The following PARD3 variants were observed in gnomAD, a reference collection of about 807,000 sequenced individuals.
PARD3 encodes the protein partitioning defective 3 homolog.
In PARD3, 75 loss-of-function variants were observed where a neutral mutation model predicts 155.4. The ratio of observed to expected loss-of-function variants is 0.48; its 90% CI spans 0.40 to 0.58. The LOEUF (loss-of-function observed/expected upper bound fraction) is 0.58. PARD3 is among the 20% of genes least tolerant of loss of function. The pLI is 0.00. For synonymous variants in PARD3, 576 were observed against 610.5 expected (o/e 0.94, Z 0.83); for missense variants, 1,642 against 1,721.7 (o/e 0.95, Z 0.82).
chr10:34,412,121 C>T (rs1845145462), intron 5 of PARD3, among the ~76,000 whole-genome samples: 1 of 151,952 alleles, frequency 6.6e-6, no homozygotes, highest in Admixed American at 6.6e-5. Flanking sequence ...CATCATCGCA[C>T]CTGGCCAATT....
rs762557350 is a variant in PARD3 at position 34,269,811 on chromosome 10, A to C, written c.3265T>G (p.Cys1089Gly). 10 of 1,614,004 alleles carry C rather than the reference A, an allele frequency of 6.2e-6. No individual in the cohort carries two copies. The highest frequency in any genetic ancestry group is 1.1e-5 in the South Asian group (1 of 91,076). The change falls in exon 22 of 25, where the codon TGT becomes GGT. Residue 1089 changes from cysteine to glycine, a missense_variant. This residue lies in a region of PARD3 where 1,529 missense variants were observed against 1,587.3 expected (regional missense o/e 0.96). Transcript: ENST00000374788. ...CCCCCATACATTAACTCATCATCACAGCCAAATGTCCGATGAAAATCTTGA... is the reference window on the plus strand; with the variant it reads ...CCCCCATACATTAACTCATCATCACCGCCAAATGTCCGATGAAAATCTTGA... ...EIQDFHRTFGCDDELMYGGVS... is the reference protein window; with the variant it reads ...EIQDFHRTFGGDDELMYGGVS...
chr10:34,228,181 T>C (rs1952724037), intron 22 of PARD3, among the ~76,000 whole-genome samples: 1 of 151,878 alleles, frequency 6.6e-6, no homozygotes, highest in African/African-American at 2.4e-5. Context: ...ATACTGTACG[T>C]TCTCAATTAT....
At chr10:34,576,960 G>A (rs1648138956) in intron 2 of PARD3, among the ~76,000 whole-genome samples, 2 of 152,190 alleles carry the variant, frequency 1.3e-5, no homozygotes. Context: ...GCGTGTGGGG[G>A]TGAACATACA....
At chr10:34,681,579 A>G (rs2093820667) in intron 2 of PARD3, among the ~76,000 whole-genome samples, 1 of 150,332 alleles carries the variant, frequency 6.7e-6, no homozygotes, top group Non-Finnish European at 1.5e-5. Context: ...TAGAACATGG[A>G]ACACCACTGT....
At chr10:34,332,331 G>A (rs962449613) in intron 18 of PARD3, among the ~76,000 whole-genome samples, 3 of 152,066 alleles carry the variant, frequency 2.0e-5, no homozygotes, top group Admixed American at 1.3e-4. Flanking sequence ...TTTAGCTTCC[G>A]GATGACTGAA....
chr10:34,763,151 A>G lies in PARD3; in HGVS notation c.120+51725T>C, dbSNP rs549695594. ...TTAGTGGCGGAGGTCAAGGACCTCT[A>G]AACATTCTGCAATGTGTGGGACAGT... On this transcript the variant is annotated intron_variant, in intron 1 of 24. Transcript: ENST00000374788. 5.9e-5 allele frequency among the ~76,000 whole-genome samples: 9 copies of G among 152,362 alleles called. No homozygotes were observed. The South Asian group carries it at 1.9e-3, about 32-fold the overall frequency.
At position 34,227,856 on chromosome 10, in the gene PARD3, T is replaced by TATATATATATATATATATATATA. The variant is rs1554814034; in HGVS notation, c.3419+41800_3419+41801insTATATATATATATATATATATAT. 1.7e-3 allele frequency among the ~76,000 whole-genome samples: 136 copies of TATATATATATATATATATATATA among 82,188 alleles called. 11 individuals are homozygous for TATATATATATATATATATATATA. The highest frequency in any genetic ancestry group is 5.2e-3 in the African/African-American group (88 of 16,848). The allele number at this position is 82,188 out of a possible 152,430, so 53.9% of individuals were successfully genotyped here. On this transcript the variant is annotated intron_variant, in intron 22 of 24. Transcript: ENST00000374788. ...TATTCCCAGTAATGGGAATTATTTT[T>TATATATATATATATATATATATA]TATATATATATATATATATATATAT...
chr10:34,343,345 G>C (rs1837034585), intron 15 of PARD3: 1 of 977,894 alleles, frequency 1.0e-6, no homozygotes, highest in East Asian at 1.1e-4. Flanking sequence ...TATTCTGAGA[G>C]ATGGCCTAAC....
chr10:34,448,936 TGA>T (rs1311325217), intron 5 of PARD3, among the ~76,000 whole-genome samples: 1 of 150,486 alleles, frequency 6.6e-6, no homozygotes, highest in African/African-American at 2.4e-5. Context: ...TTTTTTTTTT[TGA>T]GAGAGAGTCT....
chr10:34,794,533 G>A (rs1443836762), intron 1 of PARD3, among the ~76,000 whole-genome samples: 5 of 152,326 alleles, frequency 3.3e-5, no homozygotes, highest in Non-Finnish European at 1.5e-5. Flanking sequence ...TTAGTAGAAT[G>A]ATGAAATTAC....
At chr10:34,219,904 C>A (rs181627176) in intron 22 of PARD3, among the ~76,000 whole-genome samples, 25 of 152,214 alleles carry the variant, frequency 1.6e-4, no homozygotes, top group Admixed American at 1.2e-3. Context: ...GGCTAGGCGA[C>A]CTCAAATGGC....
In PARD3 at chr10:34,110,581, T is replaced by C. The variant is rs2132614589; in HGVS notation, c.*588A>G. 6.6e-6 allele frequency: 1 copy of C among 152,368 alleles called. No individual in the cohort carries two copies. The highest frequency in any genetic ancestry group is 1.5e-5 in the Non-Finnish European group (1 of 68,134). 9.4% of individuals were successfully genotyped at this position (152,368 alleles called of 1,614,324 possible). ...AAGGACCCCCATGGTGACCAAACAA[T>C]GTTGGACTATGGCTTAGCTTCTGTA... On this transcript the variant is annotated 3_prime_UTR_variant, in exon 25 of 25. Coordinates refer to ENST00000374788, the MANE Select transcript of PARD3 (RefSeq NM_001184785.2).
At chr10:34,113,031 T>C (rs1461166806) in intron 24 of PARD3, among the ~76,000 whole-genome samples, 2 of 152,206 alleles carry the variant, frequency 1.3e-5, no homozygotes, top group Non-Finnish European at 2.9e-5. Context: ...GACAAGACTG[T>C]TGGAAAATGC....
chr10:34,461,403 G>A (rs1361299574), intron 4 of PARD3, among the ~76,000 whole-genome samples: 5 of 152,232 alleles, frequency 3.3e-5, no homozygotes, highest in East Asian at 1.9e-4. Flanking sequence ...TCAGGAGTTC[G>A]AGACCAGCCT....
At position 34,465,655 on chromosome 10, in the gene PARD3, G is replaced by A. The variant is rs191836732; in HGVS notation, c.582+4430C>T. 2.6e-4 allele frequency among the ~76,000 whole-genome samples: 40 copies of A among 152,284 alleles called. 1 individual carries two copies. Among genetic ancestry groups the A allele is most frequent in the Admixed American group, 2.2e-3 (33 of 15,290 alleles). On this transcript the variant is annotated intron_variant, in intron 4 of 24. Transcript: ENST00000374788. ...TTTCTTCCCCTTTCCCTAATCAGGT[G>A]AGAATCTCTTTTGGAAACTTGTCCG...
chr10:34,734,492 T>C (rs1471648373), intron 1 of PARD3, among the ~76,000 whole-genome samples: 1 of 152,056 alleles, frequency 6.6e-6, no homozygotes. Flanking sequence ...CCCGCCACCA[T>C]GCCCGGCTAA....
intron 1 of PARD3, among the ~76,000 whole-genome samples, chr10:34,787,334 G>A (rs1434487558): frequency 1.3e-5 from 2 of 152,106 alleles, no homozygotes; most frequent in East Asian, 1.9e-4. Flanking sequence ...AGCCAAGATC[G>A]CGCCACTGCA....
intron 8 of PARD3, 43 bp downstream of exon 8, chr10:34,384,086 C>A: frequency 6.3e-7 from 1 of 1,596,162 alleles, no homozygotes. Context: ...CTCTGTCATG[C>A]CTAATGCAAG....
intron 22 of PARD3, among the ~76,000 whole-genome samples, chr10:34,184,292 G>A (rs972054321): frequency 2.6e-5 from 4 of 152,198 alleles, no homozygotes; most frequent in Non-Finnish European, 4.4e-5. Flanking sequence ...TTCCCACACA[G>A]TCTGATCAAC....
Sources: allele counts gnomAD v4.1 joint callset (sites outside exome capture counted in the v4.1 genomes callset), GRCh38; gene constraint gnomAD v4.1.1; regional missense constraint gnomAD v4.1.1; transcripts MANE v1.5; gene names NCBI Gene and HGNC (gene_info 2026-07-23, HGNC 2026-07-21).